Variants in ASGR2 observed in about 807,000 individuals in gnomAD.
ASGR2 encodes asialoglycoprotein receptor 2, also known as C-type lectin domain family 4 member H2.
In ASGR2, 34 loss-of-function variants were observed where a neutral mutation model predicts 32.3. The ratio of observed to expected loss-of-function variants is 1.05; its 90% CI spans 0.80 to 1.40. The LOEUF (loss-of-function observed/expected upper bound fraction) is 1.40, where lower values mean the gene tolerates loss of function less well. Ranked by LOEUF, ASGR2 falls within the 40% of genes most tolerant of loss-of-function variation. The pLI, the probability that ASGR2 is intolerant of heterozygous loss-of-function variation, is 0.00. For missense variants in ASGR2, 385 were observed against 386.4 expected (o/e 1.00, Z 0.03); for synonymous variants, 143 against 150.0 (o/e 0.95, Z 0.34).
At chr17:7,104,919 T>C (rs1257119142) in intron 7 of ASGR2, among the ~76,000 whole-genome samples, 1 of 149,134 alleles carries the variant, frequency 6.7e-6, no homozygotes, top group Admixed American at 6.8e-5. Flanking sequence ...GAGGTTGCAG[T>C]GAGCCAAGAT....
chr17:7,112,026 AG>A (rs1914724933), intron 2 of ASGR2, among the ~76,000 whole-genome samples: 1 of 59,358 alleles, frequency 1.7e-5, no homozygotes, highest in Non-Finnish European at 3.3e-5. Context: ...TGGGCAACAG[AG>A]TGAGATGAGA....
Position 7,107,426 on chromosome 17 carries a change from A to C in ASGR2, c.410-109T>G. 1 of 1,091,170 alleles carries C rather than the reference A, an allele frequency of 9.2e-7. No homozygotes were observed. The highest frequency in any genetic ancestry group is 1.4e-5 in the South Asian group (1 of 72,814). 67.6% of individuals were successfully genotyped at this position (1,091,170 alleles called of 1,614,324 possible). ...ACCCACAGACACGTACACCATGCAT[A>C]GACCACACCACACACCATACCACAC... On this transcript the variant is annotated intron_variant, in intron 5 of 8. Transcript: ENST00000691900. This position sits in a 1 kb window ranked among gnomAD's most constrained non-coding sequence, Gnocchi z 5.0.
In ASGR2 at chr17:7,113,253, C is replaced by T. The variant is rs938267893; in HGVS notation, c.124+864G>A. The stretch of plus-strand genomic sequence containing the variant: ...ATCTTCCAGGATCTCTCTGTGCTCA[C>T]GTCCCCCACCCATCCCAACTCACCC... On this transcript the variant is annotated intron_variant, in intron 2 of 8. Transcript: ENST00000691900. This position sits in a 1 kb window ranked among gnomAD's most constrained non-coding sequence, Gnocchi z 5.1. 4.0e-5 allele frequency among the ~76,000 whole-genome samples: 6 copies of T among 151,836 alleles called. No homozygotes were observed. Among genetic ancestry groups the T allele is most frequent in the Non-Finnish European group, 8.8e-5 (6 of 67,964 alleles).
In ASGR2 at chr17:7,108,007, T is replaced by C; in HGVS notation, c.338-100A>G. 7.2e-7 allele frequency: 1 copy of C among 1,392,690 alleles called. No individual in the cohort carries two copies. Among genetic ancestry groups the C allele is most frequent in the South Asian group, 1.3e-5 (1 of 77,610 alleles). The allele number at this position is 1,392,690 out of a possible 1,614,324, so 86.3% of individuals were successfully genotyped here. ...CGCCTCGTCCTGGGCGATGCAGGCG[T>C]CCACCTCCTGGCTTCCTGGACCACA... On this transcript the variant is annotated intron_variant, in intron 4 of 8. Coordinates refer to ENST00000691900, the MANE Select transcript of ASGR2 (RefSeq NM_001201352.2). This position sits in a 1 kb window ranked among gnomAD's most constrained non-coding sequence, Gnocchi z 4.9.
rs1914996626 is a variant in ASGR2, at chr17:7,113,440, A to G, written c.124+677T>C. 6.7e-6 allele frequency among the ~76,000 whole-genome samples: 1 copy of G among 148,448 alleles called. No homozygotes were observed. The highest frequency in any genetic ancestry group is 2.5e-5 in the African/African-American group (1 of 39,816). On this transcript the variant is annotated intron_variant, in intron 2 of 8. Transcript: ENST00000691900. This position sits in a 1 kb window ranked among gnomAD's most constrained non-coding sequence, Gnocchi z 5.1. ...TACACACACGCACAACATACACAAC[A>G]CTCACACAACACACAAACATACATA...
chr17:7,102,161 G>C lies in ASGR2; in HGVS notation c.684C>G (p.Thr228=). Residue 228 remains threonine (T), a synonymous_variant, in exon 8 of 9, where the codon ACC becomes ACG. Transcript: ENST00000691900. ...FIVQHTNPFN[T]WIGLTDSDGS... ...CATCACTGTCCGTGAGACCTATCCA[G>C]GTATTGAAGGGGTTCGTGTGTTGTA... 6.2e-7 allele frequency: 1 copy of C among 1,614,146 alleles called. No individual in the cohort carries two copies. The highest frequency in any genetic ancestry group is 1.1e-5 in the South Asian group (1 of 91,068).
chr17:7,107,679 C>G lies in ASGR2; in HGVS notation c.409+157G>C. ...ACACACAGATCCATGACATATCACA[C>G]CACACATACGGAGAGAGACACAGAT... is the stretch of plus-strand genomic sequence containing the variant. On this transcript the variant is annotated intron_variant, in intron 5 of 8. Coordinates refer to ENST00000691900, the MANE Select transcript of ASGR2 (RefSeq NM_001201352.2). The surrounding 1 kb of genome is among the most constrained non-coding windows in gnomAD (Gnocchi z 5.0). The G allele has an allele frequency of 1.1e-6, 1 of 937,400 alleles. No homozygotes were observed. The highest frequency in any genetic ancestry group is 1.5e-5 in the South Asian group (1 of 65,210). The allele number at this position is 937,400 out of a possible 1,614,324, so 58.1% of individuals were successfully genotyped here. A position where few individuals can be genotyped will look rare whatever the true frequency, so the allele number is the denominator to read the frequency against.
Position 7,114,084 on chromosome 17 carries a change from G to T in ASGR2, c.124+33C>A. 2 of 1,613,176 alleles carry T rather than the reference G, an allele frequency of 1.2e-6. No individual in the cohort carries two copies. Among genetic ancestry groups the T allele is most frequent in the Non-Finnish European group, 1.7e-6 (2 of 1,179,612 alleles). On this transcript the variant is annotated intron_variant, in intron 2 of 8. Transcript: ENST00000691900. The surrounding 1 kb of genome is among the most constrained non-coding windows in gnomAD (Gnocchi z 4.5). ...CAGAGCAATCATGAGCTGAGACAGA[G>T]GGGGAGCAAAGCCGCAGAAACTGCA...
intron 7 of ASGR2, among the ~76,000 whole-genome samples, chr17:7,102,932 G>A (rs1186359013): frequency 2.0e-5 from 3 of 152,130 alleles, no homozygotes; most frequent in Admixed American, 6.5e-5. Flanking sequence ...AGTGGACTTC[G>A]AGCCTGCAGA....
intron 2 of ASGR2, among the ~76,000 whole-genome samples, chr17:7,109,198 C>T (rs1043006021): frequency 1.5e-4 from 23 of 151,858 alleles, no homozygotes; most frequent in Non-Finnish European, 2.4e-4. Context: ...GACTGGGAGA[C>T]GCACAGGGGG....
Position 7,101,411 on chromosome 17 carries a change from C to A in ASGR2, c.*164G>T. 1.3e-6 allele frequency: 1 copy of A among 796,988 alleles called. No homozygotes were observed. Among genetic ancestry groups the A allele is most frequent in the Middle Eastern group, 3.8e-4 (1 of 2,660 alleles). 49.4% of individuals were successfully genotyped at this position (796,988 alleles called of 1,614,324 possible). ...AATGAATTACAGAAGGAGGTGGGAT[C>A]TCAGTCCTCCAGGGTCAGGGACTCT... On this transcript the variant is annotated 3_prime_UTR_variant, in exon 9 of 9. Transcript: ENST00000691900.
intron 7 of ASGR2, among the ~76,000 whole-genome samples, 153 bp downstream of exon 7, chr17:7,106,847 T>C (rs1486669123): frequency 1.3e-5 from 2 of 148,592 alleles, no homozygotes. Flanking sequence ...GAGCTTGCAG[T>C]GAGCCGAGAT....
rs1915052211 is a variant in ASGR2, at chr17:7,113,571, A to G, written c.124+546T>C. Among the ~76,000 whole-genome samples the G allele has an allele frequency of 6.7e-6, 1 of 149,194 alleles. No homozygotes were observed. The highest frequency in any genetic ancestry group is 1.5e-5 in the Non-Finnish European group (1 of 67,364). On this transcript the variant is annotated intron_variant, in intron 2 of 8. Transcript: ENST00000691900. This position sits in a 1 kb window ranked among gnomAD's most constrained non-coding sequence, Gnocchi z 5.1. ...CATACATACACACAACATACACACA[A>G]CATACACACACTCACATACACAACA...
chr17:7,108,219 G>C lies in ASGR2; in HGVS notation c.337+243C>G, dbSNP rs1200371162. Among the ~76,000 whole-genome samples, 2 of 152,012 alleles carry C rather than the reference G, an allele frequency of 1.3e-5. No individual in the cohort carries two copies. Among genetic ancestry groups the C allele is most frequent in the African/African-American group, 4.8e-5 (2 of 41,358 alleles). On this transcript the variant is annotated intron_variant, in intron 4 of 8. Transcript: ENST00000691900. The surrounding 1 kb of genome is among the most constrained non-coding windows in gnomAD (Gnocchi z 4.9). ...CCCCTCCGATGGGCCTGCCACACTC[G>C]ATTTGCTCACAGGCCCAAGACATGG...
At chr17:7,110,591 T>A (rs1914497197) in intron 2 of ASGR2, among the ~76,000 whole-genome samples, 2 of 152,360 alleles carry the variant, frequency 1.3e-5, no homozygotes, top group South Asian at 2.1e-4. Context: ...AATTTCTCCA[T>A]GCTTCCATTT....
rs434325 is a variant in ASGR2, at chr17:7,108,030, A to C, written c.338-123T>G. The C allele has an allele frequency of 0.56, 582,629 of 1,038,254 alleles. 167,105 individuals carry two copies. The highest frequency in any genetic ancestry group is 0.71 in the South Asian group (46,829 of 65,758). 64.3% of individuals were successfully genotyped at this position (1,038,254 alleles called of 1,614,324 possible). ...CGTCCACCTCCTGGCTTCCTGGACC[A>C]CACCCAGGCTCCCTGCACTGCCACA... On this transcript the variant is annotated intron_variant, in intron 4 of 8. Coordinates refer to ENST00000691900, the MANE Select transcript of ASGR2 (RefSeq NM_001201352.2). The surrounding 1 kb of genome is among the most constrained non-coding windows in gnomAD (Gnocchi z 4.9).
Position 7,107,646 on chromosome 17 carries a change from T to A in ASGR2, c.409+190A>T, listed in dbSNP as rs1913965222. The stretch of plus-strand genomic sequence containing the variant: ...CACAACACACACATATACACCACAC[T>A]ACACACCACACACAGATCCATGACA... On this transcript the variant is annotated intron_variant, in intron 5 of 8. Transcript: ENST00000691900. This position sits in a 1 kb window ranked among gnomAD's most constrained non-coding sequence, Gnocchi z 5.0. 6 of 762,068 alleles carry A rather than the reference T, an allele frequency of 7.9e-6. No homozygotes were observed. In the Admixed American group the frequency reaches 1.3e-4, roughly 16 times the overall value. 47.2% of individuals were successfully genotyped at this position (762,068 alleles called of 1,614,324 possible). A position where few individuals can be genotyped will look rare whatever the true frequency, so the allele number is the denominator to read the frequency against.
At chr17:7,101,945 C>T in intron 8 of ASGR2, 145 bp downstream of exon 8, 1 of 1,072,384 alleles carries the variant, frequency 9.3e-7, no homozygotes, top group East Asian at 2.4e-5. Context: ...CCCAGAAGAG[C>T]ACAGCTTTGG....
At chr17:7,101,795 C>A (rs1912859646) in intron 8 of ASGR2, 55 bp from the exon 9 acceptor site, 5 of 1,581,978 alleles carry the variant, frequency 3.2e-6, no homozygotes, top group Non-Finnish European at 8.6e-7. Flanking sequence ...AAGCGACTTA[C>A]CCATCCTCCT....
Sources: allele counts gnomAD v4.1 joint callset (sites outside exome capture counted in the v4.1 genomes callset), GRCh38; gene constraint gnomAD v4.1.1; non-coding constraint Gnocchi (gnomAD v3.1); transcripts MANE v1.5; gene names NCBI Gene and HGNC (gene_info 2026-07-23, HGNC 2026-07-21).